Variants in AFAP1 observed in about 807,000 individuals in gnomAD.
The protein encoded by AFAP1 is actin filament-associated protein 1.
AFAP1 carries 75 observed loss-of-function variants against 93.9 expected under a neutral mutation model. That is an observed-to-expected ratio of 0.80 (90% CI 0.66 to 0.97). AFAP1 has a LOEUF of 0.97. Ranked by LOEUF, AFAP1 falls within the 50% of genes least tolerant of loss-of-function variation. The probability of loss-of-function intolerance (pLI) is 0.00; values close to 1 mark genes in which losing one functional copy is unlikely to be tolerated. For synonymous variants in AFAP1, 517 were observed against 430.7 expected (o/e 1.20, Z -2.48); for missense variants, 1,201 against 1,050.8 (o/e 1.14, Z -1.98).
chr4:7,834,625 G>T (rs982118348), intron 6 of AFAP1, among the ~76,000 whole-genome samples: 7 of 152,280 alleles, frequency 4.6e-5, no homozygotes, highest in Admixed American at 1.3e-4. Flanking sequence ...TCCAGAAGAA[G>T]ATGGAAATTC....
intron 9 of AFAP1, among the ~76,000 whole-genome samples, chr4:7,806,572 A>C (rs1719534500): frequency 6.6e-6 from 1 of 152,136 alleles, no homozygotes; most frequent in African/African-American, 2.4e-5. Flanking sequence ...CGGAGACTCA[A>C]CTTGGCAGGC....
intron 1 of AFAP1, among the ~76,000 whole-genome samples, chr4:7,890,656 G>C (rs1718417800): frequency 6.6e-6 from 1 of 152,142 alleles, no homozygotes; most frequent in African/African-American, 2.4e-5. Context: ...AGTGGTTACA[G>C]ACATTTCAGG....
At chr4:7,769,456 G>GC (rs1715098922) in intron 16 of AFAP1, among the ~76,000 whole-genome samples, 2 of 152,242 alleles carry the variant, frequency 1.3e-5, no homozygotes, top group South Asian at 4.1e-4. Flanking sequence ...ACGGGATGCA[G>GC]CCCCACTGCG....
At chr4:7,867,276 A>C (rs1361833472) in intron 3 of AFAP1, among the ~76,000 whole-genome samples, 3 of 152,188 alleles carry the variant, frequency 2.0e-5, no homozygotes, top group African/African-American at 7.2e-5. Flanking sequence ...GAGGGATTAG[A>C]GTGCAGGACT....
Position 7,888,830 on chromosome 4 carries a change from G to A in AFAP1, c.-2-16750C>T, listed in dbSNP as rs139957129. 5.8e-3 allele frequency among the ~76,000 whole-genome samples: 878 copies of A among 152,090 alleles called. 6 individuals are homozygous for A. The highest frequency in any genetic ancestry group is 0.019 in the African/African-American group (774 of 41,510). On this transcript the variant is annotated intron_variant, in intron 1 of 17. Transcript: ENST00000420658. ...TTTTGAAACAGAGTCTCACTCTGTT[G>A]CTCAGGCTGGAGTGCAGTGGCATGA...
Position 7,933,097 on chromosome 4 carries a change from C to T in AFAP1, c.-3+6559G>A, listed in dbSNP as rs574059345. Among the ~76,000 whole-genome samples, 4 of 151,048 alleles carry T rather than the reference C, an allele frequency of 2.6e-5. No homozygotes were observed. The South Asian group carries it at 6.3e-4, about 24-fold the overall frequency. On this transcript the variant is annotated intron_variant, in intron 1 of 17. Transcript: ENST00000420658. ...CAAAAAAAAATTGGTATCTGTTAAC[C>T]AGAGGCATTGAAAACCACCTCCCAG...
rs556734592 is a variant in AFAP1 at position 7,930,097 on chromosome 4, A to G, written c.-3+9559T>C. ...GCAAAATGAGGACATTATCTGCCAC[A>G]CAGTGTTGCTGAAAAAGTAAGAGAG... On this transcript the variant is annotated intron_variant, in intron 1 of 17. Coordinates refer to ENST00000420658, the MANE Select transcript of AFAP1 (RefSeq NM_001134647.2). Among the ~76,000 whole-genome samples, 6 of 152,346 alleles carry G rather than the reference A, an allele frequency of 3.9e-5. No homozygotes were observed. The East Asian group carries it at 9.6e-4, about 24-fold the overall frequency.
intron 9 of AFAP1, among the ~76,000 whole-genome samples, chr4:7,808,414 T>G (rs2149047815): frequency 6.6e-6 from 1 of 152,286 alleles, no homozygotes; most frequent in Admixed American, 6.5e-5. Flanking sequence ...CATACATGTT[T>G]CTGTGGTAAC....
At chr4:7,927,031 G>C (rs1183132617) in intron 1 of AFAP1, among the ~76,000 whole-genome samples, 1 of 152,194 alleles carries the variant, frequency 6.6e-6, no homozygotes, top group Non-Finnish European at 1.5e-5. Flanking sequence ...CTGACCTTTT[G>C]TCCTGGCAAA....
At chr4:7,775,134 G>C (rs569727952) in intron 14 of AFAP1, 26 of 467,010 alleles carry the variant, frequency 5.6e-5, no homozygotes, top group Non-Finnish European at 8.9e-5. Context: ...GTGAGACCCC[G>C]TGTCAAAAAA....
rs761856556 is a variant in AFAP1 at position 7,819,181 on chromosome 4, G to A, written c.727-10C>T. On this transcript the variant is annotated splice_polypyrimidine_tract_variant and intron_variant, in intron 6 of 17. Transcript: ENST00000420658. ...AGGCTTCTTTGATCACCTATAAAAAGCACAGACACTTTGTGAGTATGCCCA... is the reference window on the plus strand; with the variant it reads ...AGGCTTCTTTGATCACCTATAAAAAACACAGACACTTTGTGAGTATGCCCA... 1 of 1,603,574 alleles carries A rather than the reference G, an allele frequency of 6.2e-7. No homozygotes were observed. Among genetic ancestry groups the A allele is most frequent in the Non-Finnish European group, 8.5e-7 (1 of 1,175,558 alleles).
intron 1 of AFAP1, among the ~76,000 whole-genome samples, chr4:7,875,331 C>T (rs1717430530): frequency 6.6e-6 from 1 of 152,178 alleles, no homozygotes; most frequent in African/African-American, 2.4e-5. Flanking sequence ...GTGGATGTGG[C>T]ACCAGCAGTT....
chr4:7,808,173 C>T (rs1206190992), intron 9 of AFAP1, among the ~76,000 whole-genome samples: 1 of 152,192 alleles, frequency 6.6e-6, no homozygotes, highest in Non-Finnish European at 1.5e-5. Context: ...AAAATGACAG[C>T]ACATTCCTAT....
chr4:7,921,500 T>TA (rs1560237587), intron 1 of AFAP1, among the ~76,000 whole-genome samples: 1 of 151,614 alleles, frequency 6.6e-6, no homozygotes, highest in Non-Finnish European at 1.5e-5. Flanking sequence ...TTTTTTAACC[T>TA]ATCTATTAGA....
At chr4:7,935,825 T>C (rs993420967) in intron 1 of AFAP1, among the ~76,000 whole-genome samples, 4 of 152,158 alleles carry the variant, frequency 2.6e-5, no homozygotes, top group Non-Finnish European at 5.9e-5. Flanking sequence ...AGCTCAAAAA[T>C]ATATCCTCTG....
intron 1 of AFAP1, among the ~76,000 whole-genome samples, chr4:7,892,269 A>T (rs1157266507): frequency 1.3e-5 from 2 of 152,178 alleles, no homozygotes; most frequent in East Asian, 3.9e-4. Flanking sequence ...AGGCCTCTCG[A>T]CATGGAATGA....
At chr4:7,914,001 T>C (rs1242983714) in intron 1 of AFAP1, among the ~76,000 whole-genome samples, 1 of 152,192 alleles carries the variant, frequency 6.6e-6, no homozygotes, top group African/African-American at 2.4e-5. Context: ...ACATTTATCA[T>C]TTCTTTGTGT....
At chr4:7,873,412 G>A (rs1385653649) in intron 1 of AFAP1, among the ~76,000 whole-genome samples, 16 of 109,882 alleles carry the variant, frequency 1.5e-4, no homozygotes, top group African/African-American at 4.9e-4. Context: ...GCAGTGGCAC[G>A]ATCTGGGCTC....
At chr4:7,799,213 CT>C (rs1450686295) in intron 10 of AFAP1, 1 of 420,456 alleles carries the variant, frequency 2.4e-6, no homozygotes, top group Non-Finnish European at 3.2e-6. Context: ...CCAGCCCTCT[CT>C]GTTAGATCAC....
Sources: allele counts gnomAD v4.1 joint callset (sites outside exome capture counted in the v4.1 genomes callset), GRCh38; gene constraint gnomAD v4.1.1; transcripts MANE v1.5; gene names NCBI Gene and HGNC (gene_info 2026-07-23, HGNC 2026-07-21).